Variants in SUGCT observed in about 807,000 individuals in gnomAD.
The protein encoded by SUGCT is succinyl-CoA:glutarate-CoA transferase, also known as succinyl-CoA:glutarate CoA-transferase.
A neutral mutation model predicts 55.0 loss-of-function variants in SUGCT; 41 were observed. The ratio of observed to expected loss-of-function variants is 0.74; its 90% CI spans 0.58 to 0.97. The LOEUF (loss-of-function observed/expected upper bound fraction) is 0.97. Among genes scored for constraint, SUGCT ranks in the 50% least tolerant of loss-of-function variants. The probability of loss-of-function intolerance (pLI) is 0.00; values close to 1 mark genes in which losing one functional copy is unlikely to be tolerated. For synonymous variants in SUGCT, 187 were observed against 200.4 expected, an observed-to-expected ratio of 0.93 and a Z score of 0.56; for missense variants, 568 against 547.8, an observed-to-expected ratio of 1.04 and a Z score of -0.37.
chr7:40,839,263 G>A (rs1793153860), intron 13 of SUGCT, among the ~76,000 whole-genome samples: 1 of 151,924 alleles, frequency 6.6e-6, no homozygotes, highest in South Asian at 2.1e-4. Flanking sequence ...ATTTTTTAGA[G>A]ACAGGATCTT....
chr7:40,818,935 T>C (rs1370538262), intron 13 of SUGCT, among the ~76,000 whole-genome samples: 2 of 111,554 alleles, frequency 1.8e-5, no homozygotes, highest in African/African-American at 7.1e-5. Context: ...CAGGCCCCAG[T>C]GTGTGATGTT....
chr7:40,953,096 A>C, the SUGCT span, among the ~76,000 whole-genome samples: 1 of 152,136 alleles, frequency 6.6e-6, no homozygotes, highest in Non-Finnish European at 1.5e-5. Context: ...CACCAATCAG[A>C]CGTAGATTTG....
At chr7:40,901,653 A>G in the SUGCT span, among the ~76,000 whole-genome samples, 3 of 152,224 alleles carry the variant, frequency 2.0e-5, no homozygotes, top group Non-Finnish European at 2.9e-5. Flanking sequence ...CTTTCTTGGC[A>G]CATAGATCCC....
the SUGCT span, among the ~76,000 whole-genome samples, chr7:40,921,177 T>A: frequency 6.6e-6 from 1 of 152,182 alleles, no homozygotes; most frequent in Non-Finnish European, 1.5e-5. Context: ...AAGAATCACT[T>A]TAATAGGTGC....
chr7:40,779,368 A>G (rs1374899981), intron 13 of SUGCT, among the ~76,000 whole-genome samples: 1 of 152,172 alleles, frequency 6.6e-6, no homozygotes, highest in Non-Finnish European at 1.5e-5. Context: ...ATTGCATTAA[A>G]CGCTGAACTC....
intron 13 of SUGCT, among the ~76,000 whole-genome samples, chr7:40,850,198 C>T (rs1054768914): frequency 6.6e-6 from 1 of 152,120 alleles, no homozygotes; most frequent in Non-Finnish European, 1.5e-5. Context: ...CACCAGAAAG[C>T]AGTGTGGTCC....
intron 13 of SUGCT, among the ~76,000 whole-genome samples, chr7:40,829,872 A>G (rs1167620309): frequency 2.0e-5 from 3 of 152,196 alleles, no homozygotes; most frequent in Non-Finnish European, 4.4e-5. Flanking sequence ...CACCAAAAGC[A>G]TATAGAAAAC....
At chr7:40,448,942 G>A (rs1200712361) in intron 9 of SUGCT, among the ~76,000 whole-genome samples, 1 of 148,194 alleles carries the variant, frequency 6.7e-6, no homozygotes, top group East Asian at 1.9e-4. Flanking sequence ...GTGTGTGTGT[G>A]TGTGTGTGTA....
chr7:40,340,756 G>GT (rs886332229), intron 9 of SUGCT, among the ~76,000 whole-genome samples: 4 of 152,150 alleles, frequency 2.6e-5, no homozygotes, highest in Non-Finnish European at 5.9e-5. Flanking sequence ...AAATAAAAGC[G>GT]TTTTTATACA....
chr7:40,579,912 C>T (rs1796983586), intron 12 of SUGCT, among the ~76,000 whole-genome samples: 2 of 152,160 alleles, frequency 1.3e-5, no homozygotes, highest in African/African-American at 4.8e-5. Flanking sequence ...TCTTGCCTTT[C>T]CTCCTGAAAT....
chr7:40,714,896 T>C (rs1341803499), intron 12 of SUGCT, among the ~76,000 whole-genome samples: 1 of 152,196 alleles, frequency 6.6e-6, no homozygotes, highest in Non-Finnish European at 1.5e-5. Flanking sequence ...TTAATCAGTC[T>C]AAACTCCCAC....
At position 40,419,335 on chromosome 7, in the gene SUGCT, A is replaced by T. The variant is rs184537755; in HGVS notation, c.817-29952A>T. Reference sequence around the variant, plus strand: ...TTCTTAATTAACCACATCCACTTCTATATATTACTGGCCAACTCTAAGCCT... The same window carrying T: ...TTCTTAATTAACCACATCCACTTCTTTATATTACTGGCCAACTCTAAGCCT... On this transcript the variant is annotated intron_variant, in intron 9 of 13. Transcript: ENST00000335693. 2.3e-4 allele frequency among the ~76,000 whole-genome samples: 35 copies of T among 152,220 alleles called. No individual in the cohort carries two copies. The East Asian group carries it at 6.2e-3, about 27-fold the overall frequency.
At chr7:41,035,027 C>T in the SUGCT span, among the ~76,000 whole-genome samples, 1 of 152,186 alleles carries the variant, frequency 6.6e-6, no homozygotes, top group African/African-American at 2.4e-5. Flanking sequence ...GGCACTGGGG[C>T]ACTGATCTGG....
the SUGCT span, among the ~76,000 whole-genome samples, chr7:40,907,136 TGTGTGAGA>T: frequency 0.37 from 33,402 of 89,368 alleles, 3,849 homozygotes; most frequent in South Asian, 0.5. Flanking sequence ...TGTGTGTGTG[TGTGTGAGA>T]GAGAGAGAGA....
At chr7:40,220,998 C>T (rs1157196294) in intron 6 of SUGCT, among the ~76,000 whole-genome samples, 3 of 152,158 alleles carry the variant, frequency 2.0e-5, no homozygotes, top group Non-Finnish European at 4.4e-5. Flanking sequence ...GTGTCTTTAT[C>T]ATCAGTGGAG....
chr7:40,971,468 C>G, the SUGCT span, among the ~76,000 whole-genome samples: 3 of 152,190 alleles, frequency 2.0e-5, no homozygotes, highest in Admixed American at 6.5e-5. Flanking sequence ...AACCTAGATT[C>G]AAGCCAGAGC....
intron 5 of SUGCT, among the ~76,000 whole-genome samples, chr7:40,193,536 AG>A (rs1786063805): frequency 6.8e-6 from 1 of 147,184 alleles, no homozygotes; most frequent in South Asian, 2.2e-4. Context: ...CTGCCTACCT[AG>A]GCCCCCCAAA....
At chr7:40,369,931 A>C (rs1222608557) in intron 9 of SUGCT, among the ~76,000 whole-genome samples, 1 of 152,146 alleles carries the variant, frequency 6.6e-6, no homozygotes, top group African/African-American at 2.4e-5. Flanking sequence ...GTCAGGCCCT[A>C]GTGCTCGTGG....
the SUGCT span, among the ~76,000 whole-genome samples, chr7:40,876,161 T>C: frequency 6.6e-6 from 1 of 152,240 alleles, no homozygotes; most frequent in Non-Finnish European, 1.5e-5. Context: ...TGTTTCCTTT[T>C]TTAATTGCAA....
Sources: allele counts gnomAD v4.1 joint callset (sites outside exome capture counted in the v4.1 genomes callset), GRCh38; gene constraint gnomAD v4.1.1; transcripts MANE v1.5; gene names NCBI Gene and HGNC (gene_info 2026-07-23, HGNC 2026-07-21).